Variants in SGCD observed in about 807,000 individuals in gnomAD.
SGCD encodes delta-sarcoglycan.
A neutral mutation model predicts 36.6 loss-of-function variants in SGCD; 18 were observed. The ratio of observed to expected loss-of-function variants is 0.49; its 90% CI spans 0.34 to 0.73. The LOEUF (loss-of-function observed/expected upper bound fraction) is 0.73. Among genes scored for constraint, SGCD ranks in the 30% least tolerant of loss-of-function variants. The probability of loss-of-function intolerance (pLI) is 0.01; values close to 1 mark genes in which losing one functional copy is unlikely to be tolerated. For synonymous variants in SGCD, 133 were observed against 130.6 expected (o/e 1.02, Z -0.12); for missense variants, 387 against 346.7 (o/e 1.12, Z -0.92).
the SGCD span, among the ~76,000 whole-genome samples, chr5:155,745,455 T>TAAA: frequency 6.6e-6 from 1 of 152,156 alleles, no homozygotes; most frequent in Non-Finnish European, 1.5e-5. Context: ...TCTCTCCCTT[T>TAAA]CTATTTCTCT....
intron 1 of SGCD, among the ~76,000 whole-genome samples, chr5:156,069,241 G>T (rs1760450626): frequency 6.6e-6 from 1 of 152,050 alleles, no homozygotes; most frequent in Non-Finnish European, 1.5e-5. Context: ...TTCTTCTAGG[G>T]TTTTTATGGT....
At chr5:155,733,963 T>G in the SGCD span, among the ~76,000 whole-genome samples, 1 of 151,782 alleles carries the variant, frequency 6.6e-6, no homozygotes, top group African/African-American at 2.4e-5. Flanking sequence ...TGTTAAATAT[T>G]TGCTATGTGC....
chr5:156,622,999 G>T (rs186554310), intron 6 of SGCD, among the ~76,000 whole-genome samples: 1 of 151,962 alleles, frequency 6.6e-6, no homozygotes, highest in African/African-American at 2.4e-5. Context: ...CCTGAAGCCC[G>T]ACAGTCACAT....
In SGCD at chr5:156,525,431, A is replaced by C. The variant is rs192809389; in HGVS notation, c.294+16729A>C. 4.1e-3 allele frequency among the ~76,000 whole-genome samples: 629 copies of C among 152,074 alleles called. 1 individual carries two copies. Among genetic ancestry groups the C allele is most frequent in the South Asian group, 0.017 (84 of 4,824 alleles). On this transcript the variant is annotated intron_variant, in intron 4 of 8. Transcript: ENST00000337851. ...TTTTAAATTTGGGTTATTTAGTTTTATGCTCTTGAGTTGCATGAGTTCTTT... is the reference window on the plus strand; with the variant it reads ...TTTTAAATTTGGGTTATTTAGTTTTCTGCTCTTGAGTTGCATGAGTTCTTT...
At chr5:155,846,640 G>A in the SGCD span, among the ~76,000 whole-genome samples, 1 of 152,258 alleles carries the variant, frequency 6.6e-6, no homozygotes, top group Admixed American at 6.5e-5. Context: ...TTCTCAGAGG[G>A]TGTATTCACT....
intron 1 of SGCD, among the ~76,000 whole-genome samples, chr5:156,068,949 T>C (rs1275760195): frequency 1.3e-5 from 2 of 152,100 alleles, no homozygotes; most frequent in African/African-American, 2.4e-5. Flanking sequence ...TCATGTCCTT[T>C]GCCCACTTTT....
intron 3 of SGCD, among the ~76,000 whole-genome samples, chr5:156,309,405 G>A (rs762090935): frequency 1.3e-5 from 2 of 151,640 alleles, no homozygotes; most frequent in Admixed American, 1.3e-4. Flanking sequence ...CTTCAAAATT[G>A]CTGATTCTTT....
intron 3 of SGCD, among the ~76,000 whole-genome samples, chr5:156,450,944 C>T (rs1753982287): frequency 2.0e-5 from 3 of 152,060 alleles, no homozygotes; most frequent in Non-Finnish European, 2.9e-5. Flanking sequence ...TGTATGCAGA[C>T]TCCAATAATT....
intron 1 of SGCD, among the ~76,000 whole-genome samples, chr5:155,998,107 C>A (rs552304909): frequency 6.6e-6 from 1 of 152,334 alleles, no homozygotes; most frequent in Admixed American, 6.5e-5. Context: ...TTGCCTCAGG[C>A]ATTGCAGATG....
intron 4 of SGCD, among the ~76,000 whole-genome samples, chr5:156,559,801 C>T (rs561168717): frequency 9.9e-5 from 15 of 152,250 alleles, no homozygotes; most frequent in African/African-American, 2.9e-4. Flanking sequence ...ACTGTGCCTG[C>T]GTAAAGGAAT....
chr5:156,443,221 A>G (rs941532509), intron 3 of SGCD, among the ~76,000 whole-genome samples: 8 of 152,038 alleles, frequency 5.3e-5, no homozygotes, highest in African/African-American at 1.9e-4. Context: ...CTGACCTCAG[A>G]TGATCTGCCT....
upstream of SGCD, among the ~76,000 whole-genome samples, chr5:155,869,244 T>C (rs890050248): frequency 2.6e-5 from 4 of 152,208 alleles, no homozygotes; most frequent in African/African-American, 9.6e-5. Context: ...CTGCTTGTTG[T>C]TTCTGGGCAC....
intron 3 of SGCD, among the ~76,000 whole-genome samples, chr5:156,309,426 C>G (rs113202849): frequency 0.015 from 2,283 of 151,890 alleles, 43 homozygotes; most frequent in Non-Finnish European, 0.019. Flanking sequence ...CTTCTGCTTG[C>G]TTAAATCTGC....
the SGCD span, among the ~76,000 whole-genome samples, chr5:155,782,188 C>T: frequency 6.6e-6 from 1 of 151,936 alleles, no homozygotes; most frequent in Non-Finnish European, 1.5e-5. Flanking sequence ...CCATGCCTAG[C>T]TAATTTTTGT....
chr5:156,327,789 TTGAC>T (rs527960866), intron 1 of SGCD, among the ~76,000 whole-genome samples: 1 of 152,218 alleles, frequency 6.6e-6, no homozygotes, highest in African/African-American at 2.4e-5. Flanking sequence ...ATATAGGAGT[TTGAC>T]TGTCATTATC....
intron 7 of SGCD, among the ~76,000 whole-genome samples, chr5:156,672,426 C>G (rs552218692): frequency 6.6e-6 from 1 of 152,086 alleles, no homozygotes; most frequent in Non-Finnish European, 1.5e-5. Context: ...CTAAACAAAT[C>G]TTCCTGAGTG....
intron 3 of SGCD, among the ~76,000 whole-genome samples, chr5:156,360,429 G>A (rs1172912710): frequency 6.6e-6 from 1 of 151,974 alleles, no homozygotes; most frequent in Non-Finnish European, 1.5e-5. Context: ...TGTATTTTTA[G>A]TAGAGATGGG....
At chr5:156,108,069 G>A (rs566312924) in intron 1 of SGCD, among the ~76,000 whole-genome samples, 2 of 152,164 alleles carry the variant, frequency 1.3e-5, no homozygotes, top group African/African-American at 2.4e-5. Context: ...CTAATTTGAC[G>A]AGTTGGTATA....
chr5:156,269,226 T>A (rs989155381), intron 3 of SGCD, among the ~76,000 whole-genome samples: 2 of 151,720 alleles, frequency 1.3e-5, no homozygotes, highest in African/African-American at 4.8e-5. Context: ...TCCCAGCACT[T>A]TGGGAGTCCG....
Sources: gnomAD v4.1 joint callset for allele counts (sites outside exome capture counted in the v4.1 genomes callset) on GRCh38, gnomAD v4.1.1 for gene constraint, MANE v1.5 for transcripts, NCBI Gene and HGNC (gene_info 2026-07-23, HGNC 2026-07-21) for gene names.